Variants in DYNC2I2 observed in about 807,000 individuals in gnomAD.
DYNC2I2 encodes the protein cytoplasmic dynein 2 intermediate chain 2.
Under a neutral mutation model 52.0 loss-of-function variants are expected in DYNC2I2, and 39 were observed. The observed-to-expected ratio is 0.75, with a 90% CI of 0.58 to 0.98. The LOEUF (loss-of-function observed/expected upper bound fraction) is 0.98. Ranked by LOEUF, DYNC2I2 falls within the 50% of genes least tolerant of loss-of-function variation. The probability of loss-of-function intolerance (pLI) is 0.00; values close to 1 mark genes in which losing one functional copy is unlikely to be tolerated. For missense variants in DYNC2I2, 743 were observed against 728.4 expected (o/e 1.02, Z -0.23); for synonymous variants, 359 against 321.1 (o/e 1.12, Z -1.26).
At position 128,637,014 on chromosome 9, in the gene DYNC2I2, T is replaced by A. The variant is rs1382703162; in HGVS notation, c.449A>T (p.Tyr150Phe). Residue 150 changes from tyrosine (Y) to phenylalanine (F), a missense_variant, in exon 3 of 9, where the codon TAT (tyrosine) becomes TTT (phenylalanine). Transcript: ENST00000372715. The stretch of plus-strand genomic sequence containing the variant: ...TTGGGCTGGCGGGTAGCCCAGGGTA[T>A]ACAGACAAGACACCTGCGGAGACGT... ...TEQQQMVSCL[Y>F]TLGYPPAQAQ... 1 of 1,613,234 alleles carries A rather than the reference T, an allele frequency of 6.2e-7. No individual in the cohort carries two copies. The highest frequency in any genetic ancestry group is 1.7e-5 in the Admixed American group (1 of 59,990).
At chr9:128,646,224 T>C (rs1314424016) in intron 1 of DYNC2I2, among the ~76,000 whole-genome samples, 4 of 152,222 alleles carry the variant, frequency 2.6e-5, no homozygotes, top group African/African-American at 4.8e-5. Flanking sequence ...TTTTTTGTTT[T>C]TGTTGTTTTG....
rs1327971431 is a variant in DYNC2I2 at position 128,656,577 on chromosome 9, C to A, written c.150G>T (p.Ser50=). The A allele has an allele frequency of 1.2e-5, 18 of 1,480,662 alleles. No individual in the cohort carries two copies. The highest frequency in any genetic ancestry group is 2.3e-4 in the Middle Eastern group (1 of 4,412). 91.7% of individuals were successfully genotyped at this position (1,480,662 alleles called of 1,614,324 possible). A position where few individuals can be genotyped will look rare whatever the true frequency, so the allele number is the denominator to read the frequency against. ...DETLGVASVP[S]QWRAVQGIRW... is the part of the protein sequence containing the mutation. ...GGATGCCCTGGACGGCCCTCCACTGCGAGGGCACGGACGCCACACCCAGGG... is the reference window on the plus strand; with the variant it reads ...GGATGCCCTGGACGGCCCTCCACTGAGAGGGCACGGACGCCACACCCAGGG... The change falls in exon 1 of 9, where the codon TCG becomes TCT. Residue 50 remains serine (S), a synonymous_variant. Transcript: ENST00000372715.
chr9:128,643,788 G>A (rs1010912220), intron 1 of DYNC2I2, among the ~76,000 whole-genome samples: 2 of 152,216 alleles, frequency 1.3e-5, no homozygotes, highest in African/African-American at 4.8e-5. Context: ...GTCCCCAGAT[G>A]TGAGGTCACA....
chr9:128,677,440 G>A, the DYNC2I2 span, among the ~76,000 whole-genome samples: 2 of 151,568 alleles, frequency 1.3e-5, no homozygotes, highest in Admixed American at 6.6e-5. Context: ...AGCTGAAATC[G>A]CTCCACTGCA....
At chr9:128,668,409 C>T in the DYNC2I2 span, among the ~76,000 whole-genome samples, 12 of 144,928 alleles carry the variant, frequency 8.3e-5, no homozygotes, top group Admixed American at 4.8e-4. Context: ...AGGATGGTCT[C>T]CATCTCCTGA....
Position 128,650,526 on chromosome 9 carries a change from C to CATATATATATATAT in DYNC2I2, c.186+6001_186+6014dup, listed in dbSNP as rs57194999. Among the ~76,000 whole-genome samples, 39 of 41,468 alleles carry CATATATATATATAT rather than the reference C, an allele frequency of 9.4e-4. 6 individuals are homozygous for CATATATATATATAT. Among genetic ancestry groups the CATATATATATATAT allele is most frequent in the African/African-American group, 2.0e-3 (37 of 18,626 alleles). The allele number at this position is 41,468 out of a possible 152,430, so 27.2% of individuals were successfully genotyped here. A position where few individuals can be genotyped will look rare whatever the true frequency, so the allele number is the denominator to read the frequency against. On this transcript the variant is annotated intron_variant, in intron 1 of 8. Coordinates refer to ENST00000372715, the MANE Select transcript of DYNC2I2 (RefSeq NM_052844.4). ...AGAAAAGTCAAGTCAGGCCAAAGACCATATATATATATATATATATATGCC... is the reference window on the plus strand; with the variant it reads ...AGAAAAGTCAAGTCAGGCCAAAGACCATATATATATATATATATATATATATATATATATATGCC...
At chr9:128,652,828 G>C (rs549783545) in intron 1 of DYNC2I2, among the ~76,000 whole-genome samples, 15 of 147,192 alleles carry the variant, frequency 1.0e-4, no homozygotes, top group Non-Finnish European at 1.5e-4. Flanking sequence ...TGAGGCAGGA[G>C]AATCACTTGA....
chr9:128,653,058 GTC>G (rs1860748323), intron 1 of DYNC2I2, among the ~76,000 whole-genome samples: 2 of 149,896 alleles, frequency 1.3e-5, no homozygotes, highest in Non-Finnish European at 2.9e-5. Context: ...GTGAAACCCT[GTC>G]TCTACTAAAA....
At chr9:128,649,711 T>TAAAAAAAAG (rs1860689880) in intron 1 of DYNC2I2, among the ~76,000 whole-genome samples, 2 of 61,960 alleles carry the variant, frequency 3.2e-5, no homozygotes, top group African/African-American at 1.0e-4. Flanking sequence ...AAAAAAAAAC[T>TAAAAAAAAG]GGGCCAGGTG....
chr9:128,639,932 CT>C (rs1336587120), intron 2 of DYNC2I2, among the ~76,000 whole-genome samples: 1 of 151,720 alleles, frequency 6.6e-6, no homozygotes, highest in African/African-American at 2.4e-5. Context: ...TCCCAAAGTG[CT>C]GGGATTACAG....
At position 128,633,724 on chromosome 9, in the gene DYNC2I2, C is replaced by T; in HGVS notation, c.*20G>A. On this transcript the variant is annotated 3_prime_UTR_variant, in exon 9 of 9. Transcript: ENST00000372715. ...CAAGGCTCGGCACAGCGAAGGCTTG[C>T]ACCCGCCTCCCGGGACCCCTCAGGC... The T allele has an allele frequency of 1.2e-6, 2 of 1,607,014 alleles. No individual in the cohort carries two copies. Among genetic ancestry groups the T allele is most frequent in the Non-Finnish European group, 1.7e-6 (2 of 1,177,494 alleles).
At chr9:128,682,388 T>C in the DYNC2I2 span, among the ~76,000 whole-genome samples, 2 of 151,936 alleles carry the variant, frequency 1.3e-5, no homozygotes, top group Non-Finnish European at 2.9e-5. Flanking sequence ...ATAGTAAAAA[T>C]TCTTCTGGTC....
the DYNC2I2 span, among the ~76,000 whole-genome samples, chr9:128,667,316 ATTTATT>A: frequency 3.9e-5 from 6 of 151,960 alleles, no homozygotes; most frequent in Non-Finnish European, 8.8e-5. Flanking sequence ...AACTGTGATT[ATTTATT>A]TTTATTTTTT....
upstream of DYNC2I2, among the ~76,000 whole-genome samples, chr9:128,659,393 G>T (rs938980331): frequency 6.6e-6 from 1 of 151,506 alleles, no homozygotes; most frequent in African/African-American, 2.4e-5. Flanking sequence ...TACTCGGGAG[G>T]CTGAGCCAGG....
chr9:128,668,474 T>C, the DYNC2I2 span, among the ~76,000 whole-genome samples: 36 of 152,024 alleles, frequency 2.4e-4, no homozygotes, highest in Middle Eastern at 3.4e-3. Flanking sequence ...TAAATCACGA[T>C]TGTGTCATCA....
Position 128,652,507 on chromosome 9 carries a change from T to C in DYNC2I2, c.186+4034A>G, listed in dbSNP as rs150678548. ...GTGCTGTGGTACACACCTGTACTCC[T>C]AGGTACTCAGGAGGCTGACGGAGGA... On this transcript the variant is annotated intron_variant, in intron 1 of 8. Transcript: ENST00000372715. Among the ~76,000 whole-genome samples, 56 of 148,554 alleles carry C rather than the reference T, an allele frequency of 3.8e-4. 1 individual carries two copies. Among genetic ancestry groups the C allele is most frequent in the Middle Eastern group, 7.1e-3 (2 of 282 alleles).
intron 1 of DYNC2I2, among the ~76,000 whole-genome samples, chr9:128,646,591 CGAGA>C (rs1279237376): frequency 1.3e-5 from 2 of 152,216 alleles, no homozygotes; most frequent in Non-Finnish European, 2.9e-5. Context: ...TTCAAAGCTT[CGAGA>C]GACAGGCTGA....
chr9:128,664,749 T>C, the DYNC2I2 span, among the ~76,000 whole-genome samples: 796 of 152,044 alleles, frequency 5.2e-3, 7 homozygotes, highest in African/African-American at 0.018. Context: ...CCTCCCAAAG[T>C]GCTGGGATTA....
In DYNC2I2 at chr9:128,633,741, C is replaced by G; in HGVS notation, c.*3G>C. ...AAGGCTTGCACCCGCCTCCCGGGAC[C>G]CCTCAGGCCGCCACCTCTGCTGCCA... On this transcript the variant is annotated 3_prime_UTR_variant, in exon 9 of 9. Coordinates refer to ENST00000372715, the MANE Select transcript of DYNC2I2 (RefSeq NM_052844.4). The G allele has an allele frequency of 1.2e-6, 2 of 1,612,274 alleles. No individual in the cohort carries two copies. The highest frequency in any genetic ancestry group is 1.7e-6 in the Non-Finnish European group (2 of 1,179,810).
Sources: allele counts gnomAD v4.1 joint callset (sites outside exome capture counted in the v4.1 genomes callset), GRCh38; gene constraint gnomAD v4.1.1; transcripts MANE v1.5; gene names NCBI Gene and HGNC (gene_info 2026-07-23, HGNC 2026-07-21).